DOCK4: variants seen among roughly 807,000 people sequenced by gnomAD.
DOCK4 encodes the protein dedicator of cytokinesis protein 4.
In DOCK4, 97 loss-of-function variants were observed where a neutral mutation model predicts 268.1. That is an observed-to-expected ratio of 0.36 (90% CI 0.31 to 0.43). The LOEUF (loss-of-function observed/expected upper bound fraction) is 0.43. Among genes scored for constraint, DOCK4 ranks in the 20% least tolerant of loss-of-function variants. The pLI, the probability that DOCK4 is intolerant of heterozygous loss-of-function variation, is 1.00. For missense variants in DOCK4, 2,145 were observed against 2,455.7 expected, an observed-to-expected ratio of 0.87 and a Z score of 2.67; for synonymous variants, 954 against 887.2, an observed-to-expected ratio of 1.08 and a Z score of -1.34.
intron 1 of DOCK4, among the ~76,000 whole-genome samples, chr7:112,203,419 C>G (rs548510612): frequency 1.3e-5 from 2 of 152,304 alleles, no homozygotes; most frequent in South Asian, 4.1e-4. Flanking sequence ...ATCTCCGATA[C>G]ATTTAATTAC....
At chr7:111,808,685 A>G in intron 30 of DOCK4, 136 bp downstream of exon 30, 1 of 843,390 alleles carries the variant, frequency 1.2e-6, no homozygotes, top group Non-Finnish European at 1.8e-6. Flanking sequence ...AGTGTCAATT[A>G]CTTTCTATAG....
intron 23 of DOCK4, among the ~76,000 whole-genome samples, chr7:111,860,650 G>A (rs6972289): frequency 0.45 from 68,195 of 151,910 alleles, 16,068 homozygotes; most frequent in African/African-American, 0.6. Flanking sequence ...GCTTCCCTAC[G>A]CTGGCCCTGA....
chr7:111,930,339 A>T (rs1794098895), intron 12 of DOCK4, among the ~76,000 whole-genome samples: 1 of 152,224 alleles, frequency 6.6e-6, no homozygotes, highest in East Asian at 1.9e-4. Context: ...AGAGGGGAAA[A>T]AAGCCCAGTT....
intron 1 of DOCK4, among the ~76,000 whole-genome samples, chr7:112,032,281 AGTTCTGTGCCATCTTCAACTAAAAT>A (rs1803347290): frequency 2.0e-5 from 3 of 152,358 alleles, no homozygotes; most frequent in Admixed American, 2.0e-4. Context: ...AAACTAAAAA[AGTTCTGTGCCATCTTCAACTAAAAT>A]GTTTGATAAC....
chr7:112,169,327 A>G (rs1193459124), intron 1 of DOCK4, among the ~76,000 whole-genome samples: 1 of 152,212 alleles, frequency 6.6e-6, no homozygotes, highest in Non-Finnish European at 1.5e-5. Context: ...ACAGCAGTAC[A>G]AGAATGGACT....
chr7:112,070,999 T>C (rs915462309), intron 1 of DOCK4, among the ~76,000 whole-genome samples: 1 of 152,006 alleles, frequency 6.6e-6, no homozygotes, highest in Admixed American at 6.6e-5. Flanking sequence ...AAACAAAACA[T>C]AACAAAACAA....
intron 4 of DOCK4, among the ~76,000 whole-genome samples, chr7:111,996,232 A>G (rs1347093231): frequency 6.6e-6 from 1 of 152,238 alleles, no homozygotes; most frequent in Non-Finnish European, 1.5e-5. Flanking sequence ...GAAAGAACAT[A>G]CACGCAATTC....
At chr7:112,012,798 T>A (rs867413263) in intron 1 of DOCK4, among the ~76,000 whole-genome samples, 85 of 152,324 alleles carry the variant, frequency 5.6e-4, no homozygotes, top group African/African-American at 1.7e-3. Context: ...AGTTTTTTTT[T>A]ATAAGAGAAA....
Position 111,944,870 on chromosome 7 carries a change from T to C in DOCK4, c.785A>G (p.Asp262Gly), listed in dbSNP as rs1438178287. 1.9e-6 allele frequency: 3 copies of C among 1,613,878 alleles called. No individual in the cohort carries two copies. The East Asian group carries it at 6.7e-5, about 36-fold the overall frequency. The change falls in exon 10 of 53, where the codon GAT becomes GGT. Residue 262 changes from aspartate to glycine, a missense_variant and splice_region_variant. Asp to Gly is a moderately conservative substitution (Grantham distance 94). Coordinates refer to ENST00000428084, the MANE Select transcript of DOCK4 (RefSeq NM_001363540.2). ...CTTTCTTAGCTCACTGCTGCCCAAA[T>C]CCTACAAACAAAGAAAGTTTGGTTA... is the stretch of plus-strand genomic sequence containing the variant. ...KPERHCSLFV[D>G]LGSSELRKDI... is the part of the protein sequence containing the mutation.
At chr7:111,792,981 C>T (rs1034218652) in intron 30 of DOCK4, among the ~76,000 whole-genome samples, 1 of 152,176 alleles carries the variant, frequency 6.6e-6, no homozygotes, top group Non-Finnish European at 1.5e-5. Flanking sequence ...AAAGTGGGCA[C>T]ACAATGACTT....
chr7:112,048,389 C>CA (rs59810546), intron 1 of DOCK4, among the ~76,000 whole-genome samples: 5,349 of 71,928 alleles, frequency 0.074, 195 homozygotes, highest in African/African-American at 0.12. Context: ...ACTAAAAATA[C>CA]AAAAAAAAAA....
intron 1 of DOCK4, among the ~76,000 whole-genome samples, chr7:112,128,530 G>A (rs1045552357): frequency 6.6e-6 from 1 of 152,252 alleles, no homozygotes; most frequent in African/African-American, 2.4e-5. Context: ...TGTCTGTGTA[G>A]AAAGAAGTAG....
At chr7:111,748,344 TAGA>T (rs1796413150) in intron 42 of DOCK4, among the ~76,000 whole-genome samples, 2 of 152,062 alleles carry the variant, frequency 1.3e-5, no homozygotes, top group African/African-American at 2.4e-5. Flanking sequence ...AGCAAGAACA[TAGA>T]AGATTTTGTA....
At chr7:112,025,979 C>G (rs1802753199) in intron 1 of DOCK4, among the ~76,000 whole-genome samples, 1 of 152,224 alleles carries the variant, frequency 6.6e-6, no homozygotes, top group Admixed American at 6.5e-5. Context: ...CCAATGCAAG[C>G]CCCTCTCATT....
intron 23 of DOCK4, among the ~76,000 whole-genome samples, chr7:111,851,149 A>T (rs1433961374): frequency 6.6e-6 from 1 of 152,190 alleles, no homozygotes; most frequent in Non-Finnish European, 1.5e-5. Flanking sequence ...CTAAAGGTAT[A>T]AAAGTTCTGA....
chr7:111,840,051 T>C lies in DOCK4; in HGVS notation c.2736+4712A>G, dbSNP rs140137371. Among the ~76,000 whole-genome samples, 1,120 of 152,234 alleles carry C rather than the reference T, an allele frequency of 7.4e-3. 24 individuals carry two copies. The highest frequency in any genetic ancestry group is 0.034 in the Admixed American group (517 of 15,286). ...GTGGCCAAGATGTACTTAGCTGCAGTGTGAAACTTTCTTTTGTATAAATCA... is the reference window on the plus strand; with the variant it reads ...GTGGCCAAGATGTACTTAGCTGCAGCGTGAAACTTTCTTTTGTATAAATCA... On this transcript the variant is annotated intron_variant, in intron 25 of 52. Coordinates refer to ENST00000428084, the MANE Select transcript of DOCK4 (RefSeq NM_001363540.2).
intron 30 of DOCK4, among the ~76,000 whole-genome samples, chr7:111,800,547 C>T (rs1193310644): frequency 6.6e-6 from 1 of 152,096 alleles, no homozygotes; most frequent in Non-Finnish European, 1.5e-5. Flanking sequence ...AACGGTATTG[C>T]AATCCACTGG....
intron 1 of DOCK4, among the ~76,000 whole-genome samples, chr7:112,059,428 C>G (rs184301929): frequency 1.5e-3 from 227 of 152,228 alleles, no homozygotes; most frequent in African/African-American, 5.1e-3. Context: ...AGGCGCGAGC[C>G]ACCACCCCAC....
chr7:111,926,456 GAA>G (rs1793678453), intron 12 of DOCK4, among the ~76,000 whole-genome samples: 1 of 124,936 alleles, frequency 8.0e-6, no homozygotes, highest in Non-Finnish European at 1.7e-5. Context: ...GAGAGAGAGA[GAA>G]AGAGAAAAAG....
Sources: gnomAD v4.1 joint callset for allele counts (sites outside exome capture counted in the v4.1 genomes callset) on GRCh38, gnomAD v4.1.1 for gene constraint, MANE v1.5 for transcripts, NCBI Gene and HGNC (gene_info 2026-07-23, HGNC 2026-07-21) for gene names.